DNAJA3: variants seen among roughly 807,000 people sequenced by gnomAD.
DNAJA3 encodes dnaJ homolog subfamily A member 3, mitochondrial.
In DNAJA3, 29 loss-of-function variants were observed where a neutral mutation model predicts 54.9. The ratio of observed to expected loss-of-function variants is 0.53; its 90% CI spans 0.39 to 0.72. The LOEUF (loss-of-function observed/expected upper bound fraction) is 0.72, where lower values mean the gene tolerates loss of function less well. Among genes scored for constraint, DNAJA3 ranks in the 30% least tolerant of loss-of-function variants. The pLI, the probability that DNAJA3 is intolerant of heterozygous loss-of-function variation, is 0.00. For synonymous variants in DNAJA3, 302 were observed against 251.4 expected (o/e 1.20, Z -1.90); for missense variants, 708 against 639.4 (o/e 1.11, Z -1.16).
intron 2 of DNAJA3, among the ~76,000 whole-genome samples, chr16:4,436,985 G>A (rs1020346643): frequency 6.6e-6 from 1 of 151,924 alleles, no homozygotes; most frequent in African/African-American, 2.4e-5. Context: ...ATTATTTTGT[G>A]GGGCGGACAG....
chr16:4,455,339 G>T (rs1251458723), intron 11 of DNAJA3, among the ~76,000 whole-genome samples: 4 of 152,168 alleles, frequency 2.6e-5, no homozygotes, highest in Non-Finnish European at 5.9e-5. Context: ...GCGCAGGGCT[G>T]TGCAAGCCTG....
In DNAJA3 at chr16:4,443,094, G is replaced by A. The variant is rs759144408; in HGVS notation, c.861G>A (p.Ser287=). The change falls in exon 6 of 12, where the codon TCG becomes TCA. Residue 287 remains serine, a synonymous_variant. Transcript: ENST00000262375. ...RCGGRGSIII[S]PCVVCRGAGQ... is the part of the protein sequence containing the mutation. ...GTGGCCGCGGCTCCATCATCATATC[G>A]CCCTGTGTGGTCTGCAGGGGAGCAG... 49 of 1,613,864 alleles carry A rather than the reference G, an allele frequency of 3.0e-5. No individual in the cohort carries two copies. Among genetic ancestry groups the A allele is most frequent in the African/African-American group, 9.4e-5 (7 of 74,842 alleles).
Position 4,455,693 on chromosome 16 carries a change from C to T in DNAJA3, c.*161C>T, listed in dbSNP as rs148256704. ...CCTTGGCAACAGCAAAATCATGGGA[C>T]AACACCTCTCTCCACGGAAAGGTCA... On this transcript the variant is annotated 3_prime_UTR_variant, in exon 12 of 12. Transcript: ENST00000262375. 14 of 1,063,312 alleles carry T rather than the reference C, an allele frequency of 1.3e-5. No homozygotes were observed. The East Asian group carries it at 3.4e-4, about 26-fold the overall frequency. The allele number at this position is 1,063,312 out of a possible 1,614,324, so 65.9% of individuals were successfully genotyped here.
chr16:4,452,801 C>G (rs1314187421), intron 10 of DNAJA3, among the ~76,000 whole-genome samples: 1 of 152,130 alleles, frequency 6.6e-6, no homozygotes, highest in African/African-American at 2.4e-5. Context: ...TCACCAGCTA[C>G]TTGGGAAGCT....
At chr16:4,446,765 C>T in intron 7 of DNAJA3, 121 bp from the exon 8 acceptor site, 2 of 1,242,648 alleles carry the variant, frequency 1.6e-6, no homozygotes, top group Non-Finnish European at 1.1e-6. Flanking sequence ...CAACACTGCA[C>T]TTTATGTATG....
chr16:4,430,752 A>G (rs2056688086), intron 1 of DNAJA3: 1 of 152,060 alleles, frequency 6.6e-6, no homozygotes, highest in Non-Finnish European at 1.5e-5. Context: ...GATAATGTCA[A>G]AAGTCATCAG....
At chr16:4,438,630 C>G (rs1165186133) in intron 3 of DNAJA3, among the ~76,000 whole-genome samples, 1 of 88,456 alleles carries the variant, frequency 1.1e-5, no homozygotes, top group Non-Finnish European at 2.3e-5. Context: ...TTTTGACAAT[C>G]TTTTCTTTTT....
At chr16:4,437,632 A>T (rs889172607) in intron 3 of DNAJA3, 147 bp downstream of exon 3, 21 of 590,438 alleles carry the variant, frequency 3.6e-5, no homozygotes, top group Non-Finnish European at 4.9e-5. Context: ...TAAGAAAAAT[A>T]AAAAAAAAGA....
At chr16:4,430,595 C>G (rs1321768430) in intron 1 of DNAJA3, 1 of 151,066 alleles carries the variant, frequency 6.6e-6, no homozygotes, top group African/African-American at 2.4e-5. Context: ...AGTTGTTGGA[C>G]AGTGGGTTGG....
intron 1 of DNAJA3, among the ~76,000 whole-genome samples, chr16:4,429,869 T>G (rs2056673879): frequency 6.6e-6 from 1 of 151,758 alleles, no homozygotes. Flanking sequence ...TGGTGGCAAC[T>G]GCCTGTACTC....
At chr16:4,449,065 C>T (rs982995007) in intron 9 of DNAJA3, among the ~76,000 whole-genome samples, 9 of 152,142 alleles carry the variant, frequency 5.9e-5, no homozygotes, top group Non-Finnish European at 1.2e-4. Context: ...GGCGCCATCT[C>T]GGCTCACTGC....
rs1480387857 is a variant in DNAJA3 at position 4,456,389 on chromosome 16, C to T, written c.*857C>T. On this transcript the variant is annotated 3_prime_UTR_variant, in exon 12 of 12. Coordinates refer to ENST00000262375, the MANE Select transcript of DNAJA3 (RefSeq NM_005147.6). Reference sequence around the variant, plus strand: ...CCCTGCCACTGTTGCTAGTCAGGGGCTTGGTTCTCCCACTTACACTGTTGA... The same window carrying T: ...CCCTGCCACTGTTGCTAGTCAGGGGTTTGGTTCTCCCACTTACACTGTTGA... 1 of 152,410 alleles carries T rather than the reference C, an allele frequency of 6.6e-6. No homozygotes were observed. Among genetic ancestry groups the T allele is most frequent in the Non-Finnish European group, 1.5e-5 (1 of 68,048 alleles). The allele number at this position is 152,410 out of a possible 1,614,324, so 9.4% of individuals were successfully genotyped here. A position where few individuals can be genotyped will look rare whatever the true frequency, so the allele number is the denominator to read the frequency against.
At chr16:4,434,107 G>GC in intron 1 of DNAJA3, 1 of 377,388 alleles carries the variant, frequency 2.6e-6, no homozygotes, top group South Asian at 3.4e-5. Flanking sequence ...AAAAGGGTGA[G>GC]CCCCTCATAA....
chr16:4,443,484 CCT>C (rs976135183), intron 6 of DNAJA3, among the ~76,000 whole-genome samples: 6 of 152,134 alleles, frequency 3.9e-5, no homozygotes, highest in Admixed American at 6.5e-5. Flanking sequence ...TCCTCTCTCC[CCT>C]GTCTTAGTCA....
At chr16:4,430,589 G>A (rs1011197429) in intron 1 of DNAJA3, 1 of 151,566 alleles carries the variant, frequency 6.6e-6, no homozygotes, top group East Asian at 1.9e-4. Flanking sequence ...GAAAGCAGTT[G>A]TTGGACAGTG....
intron 8 of DNAJA3, chr16:4,448,014 G>C (rs1265032125): frequency 7.4e-6 from 1 of 135,942 alleles, no homozygotes; most frequent in Non-Finnish European, 1.6e-5. Context: ...GCCCAGCCCA[G>C]TGGCAGTTCT....
At chr16:4,434,635 A>G (rs2056749895) in intron 2 of DNAJA3, 118 bp downstream of exon 2, 6 of 1,220,840 alleles carry the variant, frequency 4.9e-6, no homozygotes, top group South Asian at 3.2e-5. Flanking sequence ...AGCTGATAGT[A>G]TAGAAGGGTG....
At chr16:4,442,458 C>T (rs2056848366) in intron 5 of DNAJA3, 38 bp downstream of exon 5, 11 of 1,536,692 alleles carry the variant, frequency 7.2e-6, no homozygotes, top group South Asian at 1.3e-5. Flanking sequence ...CCACGGCTTG[C>T]ACCACTGACT....
At chr16:4,442,069 T>TA (rs1299710825) in intron 4 of DNAJA3, among the ~76,000 whole-genome samples, 199 bp from the exon 5 acceptor site, 1 of 152,194 alleles carries the variant, frequency 6.6e-6, no homozygotes, top group Non-Finnish European at 1.5e-5. Context: ...AGTCATACAT[T>TA]ATCTCTTAAA....
Sources: allele counts gnomAD v4.1 joint callset (sites outside exome capture counted in the v4.1 genomes callset), GRCh38; gene constraint gnomAD v4.1.1; transcripts MANE v1.5; gene names NCBI Gene and HGNC (gene_info 2026-07-23, HGNC 2026-07-21).